NDNF: variants seen among roughly 807,000 people sequenced by gnomAD.
NDNF encodes protein NDNF.
In NDNF, 16 loss-of-function variants were observed where a neutral mutation model predicts 42.0. The observed-to-expected ratio is 0.38, with a 90% CI of 0.26 to 0.58. The LOEUF (loss-of-function observed/expected upper bound fraction) is 0.58. NDNF is among the 20% of genes least tolerant of loss of function. NDNF has a pLI of 0.67. For missense variants in NDNF, 616 were observed against 666.2 expected, an observed-to-expected ratio of 0.92 and a Z score of 0.83; for synonymous variants, 248 against 251.7, an observed-to-expected ratio of 0.99 and a Z score of 0.14.
At chr4:121,062,593 A>G (rs1727431142) in intron 1 of NDNF, among the ~76,000 whole-genome samples, 2 of 152,246 alleles carry the variant, frequency 1.3e-5, no homozygotes, top group Admixed American at 1.3e-4. Context: ...AATTAGAGAG[A>G]TGACAAACCA....
intron 1 of NDNF, among the ~76,000 whole-genome samples, chr4:121,061,966 T>C (rs1314471607): frequency 6.6e-6 from 1 of 152,206 alleles, no homozygotes; most frequent in Non-Finnish European, 1.5e-5. Flanking sequence ...AATGAAATAA[T>C]TGATATGAAT....
chr4:121,040,145 T>A (rs1726972962), intron 2 of NDNF, 91 bp from the exon 3 acceptor site: 4 of 1,289,270 alleles, frequency 3.1e-6, no homozygotes, highest in Non-Finnish European at 3.2e-6. Flanking sequence ...TTTTAATTTT[T>A]TTTTCATTTT....
rs1379953423 is a variant in NDNF at position 121,037,547 on chromosome 4, G to C, written c.424C>G (p.Pro142Ala). The C allele has an allele frequency of 1.9e-6, 3 of 1,613,940 alleles. No homozygotes were observed. In the Admixed American group the frequency reaches 5.0e-5, roughly 27 times the overall value. Residue 142 changes from proline (P) to alanine (A), a missense_variant, in exon 4 of 4, where the codon CCA becomes GCA. Coordinates refer to ENST00000379692, the MANE Select transcript of NDNF (RefSeq NM_024574.4). ...AGATCCAACTGATATAAACCGGATG[G>C]GGAACTAGACGATATAAAATACTCA... is the stretch of plus-strand genomic sequence containing the variant. ...DVEYFISSSS[P>A]SGLYQLDLLS...
rs2148761287 is a variant in NDNF at position 121,036,287 on chromosome 4, C to A, written c.1684G>T (p.Val562Leu). 6.2e-7 allele frequency: 1 copy of A among 1,601,436 alleles called. No homozygotes were observed. Among genetic ancestry groups the A allele is most frequent in the South Asian group, 1.1e-5 (1 of 88,350 alleles). Residue 562 changes from valine (V) to leucine (L), a missense_variant, in exon 4 of 4, where the codon GTG (valine) becomes TTG (leucine). Coordinates refer to ENST00000379692, the MANE Select transcript of NDNF (RefSeq NM_024574.4). Reference sequence around the variant, plus strand: ...AACTAACAGAACTTTCTAGTTTTCACAACCTTACTCTGATACTTTACAGAG... The same window carrying A: ...AACTAACAGAACTTTCTAGTTTTCAAAACCTTACTCTGATACTTTACAGAG... ...GHSVKYQSKV[V>L]KTRKFC
At chr4:121,044,133 C>T (rs1335588138) in intron 2 of NDNF, among the ~76,000 whole-genome samples, 3 of 152,080 alleles carry the variant, frequency 2.0e-5, no homozygotes, top group African/African-American at 4.8e-5. Context: ...AATGATAATC[C>T]GAACAATAGT....
At position 121,045,799 on chromosome 4, in the gene NDNF, A is replaced by G; in HGVS notation, c.39T>C (p.Phe13=). The change falls in exon 2 of 4, where the codon TTT becomes TTC. Residue 13 remains phenylalanine, a synonymous_variant. Transcript: ENST00000379692. ...ACTTCTGGGTCCTTGAGCTGAGTGG[A>G]AACAGGAGCCACAGCAGGCACCAGT... ...LLHWCLLWLL[F]PLSSRTQKLP... The G allele has an allele frequency of 6.2e-7, 1 of 1,614,190 alleles. No homozygotes were observed. Among genetic ancestry groups the G allele is most frequent in the Non-Finnish European group, 8.5e-7 (1 of 1,180,028 alleles).
chr4:121,045,355 GAAA>G (rs200400980), intron 2 of NDNF, among the ~76,000 whole-genome samples: 1 of 137,200 alleles, frequency 7.3e-6, no homozygotes, highest in Non-Finnish European at 1.6e-5. Context: ...CCGTCTCAGG[GAAA>G]AAAAAAAAAA....
intron 2 of NDNF, among the ~76,000 whole-genome samples, chr4:121,040,608 T>C (rs1726980690): frequency 6.6e-6 from 1 of 152,230 alleles, no homozygotes; most frequent in Non-Finnish European, 1.5e-5. Flanking sequence ...CATTTTTACA[T>C]TAGTGACTTT....
chr4:121,040,697 C>T (rs1726982096), intron 2 of NDNF, among the ~76,000 whole-genome samples: 1 of 152,192 alleles, frequency 6.6e-6, no homozygotes, highest in African/African-American at 2.4e-5. Context: ...GGCAGGAGTG[C>T]AGTGGCGTGG....
At chr4:121,052,712 A>G (rs1727220848) in intron 1 of NDNF, among the ~76,000 whole-genome samples, 2 of 152,222 alleles carry the variant, frequency 1.3e-5, no homozygotes, top group Non-Finnish European at 2.9e-5. Context: ...CTGAATGTCC[A>G]ACATGTGCCA....
rs147005679 is a variant in NDNF at position 121,036,995 on chromosome 4, C to T, written c.976G>A (p.Ala326Thr). ...GTCCTGGCAAAGGTACCTACATAAG[C>T]GGTGCTCATGTTGCTGTTGATGTTG... ...VVNINSNMST[A>T]YVGTFARTKE... The change falls in exon 4 of 4, where the codon GCT (alanine) becomes ACT (threonine). Residue 326 changes from alanine (A) to threonine (T), a missense_variant. Coordinates refer to ENST00000379692, the MANE Select transcript of NDNF (RefSeq NM_024574.4). 13 of 1,613,816 alleles carry T rather than the reference C, an allele frequency of 8.1e-6. No homozygotes were observed. The East Asian group carries it at 1.6e-4, about 19-fold the overall frequency.
In NDNF at chr4:121,037,140, C is replaced by T. The variant is rs143938448; in HGVS notation, c.831G>A (p.Gly277=). The change falls in exon 4 of 4, where the codon GGG becomes GGA. Residue 277 remains glycine, a synonymous_variant. Coordinates refer to ENST00000379692, the MANE Select transcript of NDNF (RefSeq NM_024574.4). ...CCTTGGGCCTGGAGTAGACATGACG[C>T]CCCAGTTTTGGAGAAGGCTTTGCCT... ...SFQAKPSPKL[G]RHVYSRPKVD... is the part of the protein sequence containing the mutation. 7.4e-6 allele frequency: 12 copies of T among 1,613,842 alleles called. No homozygotes were observed. In the African/African-American group the frequency reaches 1.6e-4, roughly 22 times the overall value.
intron 1 of NDNF, among the ~76,000 whole-genome samples, chr4:121,058,324 A>G (rs573002685): frequency 3.3e-5 from 5 of 152,240 alleles, no homozygotes; most frequent in African/African-American, 1.2e-4. Flanking sequence ...TTAGCTTCAA[A>G]TTCGTTCTCC....
chr4:121,067,680 A>C (rs1727524071), intron 1 of NDNF, among the ~76,000 whole-genome samples: 1 of 152,154 alleles, frequency 6.6e-6, no homozygotes, highest in Non-Finnish European at 1.5e-5. Context: ...AAATCTACAG[A>C]CCATTTTGCT....
intron 3 of NDNF, among the ~76,000 whole-genome samples, chr4:121,039,190 G>T (rs796452558): frequency 2.9e-5 from 2 of 68,030 alleles, no homozygotes; most frequent in African/African-American, 1.6e-4. Flanking sequence ...GTGTGTGTGT[G>T]TGTATATATA....
intron 1 of NDNF, among the ~76,000 whole-genome samples, chr4:121,046,614 G>A (rs985781579): frequency 6.6e-6 from 1 of 152,138 alleles, no homozygotes; most frequent in African/African-American, 2.4e-5. Flanking sequence ...TTTAGAAAAT[G>A]GGCTTGAACC....
intron 1 of NDNF, among the ~76,000 whole-genome samples, chr4:121,068,492 A>G (rs1199475778): frequency 2.6e-5 from 4 of 152,232 alleles, no homozygotes; most frequent in Admixed American, 2.6e-4. Flanking sequence ...TAAAATAAAC[A>G]TTTAGAGGTT....
intron 1 of NDNF, among the ~76,000 whole-genome samples, chr4:121,048,850 A>T (rs1169134073): frequency 6.6e-6 from 1 of 152,202 alleles, no homozygotes; most frequent in Non-Finnish European, 1.5e-5. Context: ...AGAAAAAAAA[A>T]TCTGAGATAA....
chr4:121,057,845 G>C (rs576734131), intron 1 of NDNF, among the ~76,000 whole-genome samples: 126 of 152,276 alleles, frequency 8.3e-4, no homozygotes, highest in African/African-American at 2.8e-3. Flanking sequence ...TGTTTACTTA[G>C]ATGGTTTGCT....
Sources: allele counts gnomAD v4.1 joint callset (sites outside exome capture counted in the v4.1 genomes callset), GRCh38; gene constraint gnomAD v4.1.1; transcripts MANE v1.5; gene names NCBI Gene and HGNC (gene_info 2026-07-23, HGNC 2026-07-21).